The following SLC1A2 variants were observed in gnomAD, a reference collection of about 807,000 sequenced individuals.
SLC1A2 encodes the protein solute carrier family 1 member 2, also known as excitatory amino acid transporter 2.
Under a neutral mutation model 48.8 loss-of-function variants are expected in SLC1A2, and 15 were observed. The ratio of observed to expected loss-of-function variants is 0.31; its 90% CI spans 0.21 to 0.47. SLC1A2 has a LOEUF of 0.47. Among genes scored for constraint, SLC1A2 ranks in the 20% least tolerant of loss-of-function variants. SLC1A2 has a pLI of 0.99. For synonymous variants in SLC1A2, 279 were observed against 272.6 expected (o/e 1.02, Z -0.23); for missense variants, 502 against 730.5 (o/e 0.69, Z 3.61).
chr11:35,281,099 T>G lies in SLC1A2; in HGVS notation c.1287-98A>C, dbSNP rs139727325. 24 of 1,430,966 alleles carry G rather than the reference T, an allele frequency of 1.7e-5. No individual in the cohort carries two copies. The African/African-American group carries it at 2.9e-4, about 17-fold the overall frequency. The allele number at this position is 1,430,966 out of a possible 1,614,324, so 88.6% of individuals were successfully genotyped here. Reference sequence around the variant, plus strand: ...CTCTAATTTTCCTGCAGCCATAAAATTCATCCCCCAACCCCCACCCCATAC... The same window carrying G: ...CTCTAATTTTCCTGCAGCCATAAAAGTCATCCCCCAACCCCCACCCCATAC... On this transcript the variant is annotated intron_variant, in intron 8 of 10. Coordinates refer to ENST00000278379, the MANE Select transcript of SLC1A2 (RefSeq NM_004171.4).
chr11:35,413,281 A>C (rs950809440), intron 1 of SLC1A2, among the ~76,000 whole-genome samples: 17 of 152,228 alleles, frequency 1.1e-4, no homozygotes, highest in African/African-American at 3.9e-4. Context: ...TAGTAACTAC[A>C]GGCATGGATC....
intron 9 of SLC1A2, among the ~76,000 whole-genome samples, chr11:35,274,583 G>A (rs796204278): frequency 1.3e-5 from 2 of 152,126 alleles, no homozygotes; most frequent in African/African-American, 2.4e-5. Context: ...GTGTGTGCAT[G>A]TGCATGTGTG....
chr11:35,278,212 C>T (rs190468665), intron 9 of SLC1A2, among the ~76,000 whole-genome samples: 195 of 151,280 alleles, frequency 1.3e-3, no homozygotes, highest in African/African-American at 4.4e-3. Context: ...GCCTTCCTTG[C>T]AGCCCTCCCA....
chr11:35,275,991 G>T (rs1400989527), intron 9 of SLC1A2, among the ~76,000 whole-genome samples: 6 of 152,136 alleles, frequency 3.9e-5, no homozygotes, highest in Non-Finnish European at 1.5e-5. Flanking sequence ...AAGCAGATCT[G>T]ACCTAGCTAC....
rs1950240890 is a variant in SLC1A2 at position 35,251,697 on chromosome 11, G to A, written c.*9197C>T. ...GGAGTTGAAGAAGCCACATTTTCAA[G>A]GAAAAATTAGCCTGTCCACCATATC... On this transcript the variant is annotated 3_prime_UTR_variant, in exon 11 of 11. Coordinates refer to ENST00000278379, the MANE Select transcript of SLC1A2 (RefSeq NM_004171.4). 6.6e-6 allele frequency: 1 copy of A among 152,578 alleles called. No individual in the cohort carries two copies. Among genetic ancestry groups the A allele is most frequent in the Non-Finnish European group, 1.5e-5 (1 of 68,006 alleles). The allele number at this position is 152,578 out of a possible 1,614,324, so 9.5% of individuals were successfully genotyped here.
chr11:35,346,194 C>T (rs377313778), intron 1 of SLC1A2, among the ~76,000 whole-genome samples: 75 of 152,270 alleles, frequency 4.9e-4, no homozygotes, highest in African/African-American at 1.5e-3. Flanking sequence ...TCTCCTAATG[C>T]TATCCCTCCC....
chr11:35,286,851 T>C lies in SLC1A2; in HGVS notation c.1192A>G (p.Met398Val). 2 of 1,614,010 alleles carry C rather than the reference T, an allele frequency of 1.2e-6. No homozygotes were observed. The highest frequency in any genetic ancestry group is 1.7e-6 in the Non-Finnish European group (2 of 1,179,888). The part of the protein sequence containing the change: ...FVLPVGATIN[M>V]DGTALYEAVA... ...GCTTCATAAAGGGCTGTACCATCCA[T>C]GTTAATGGTTGCTCCAACAGGAAGG... The change falls in exon 8 of 11, where the codon ATG (methionine) becomes GTG (valine). Residue 398 changes from methionine (M) to valine (V), a missense_variant. Around this residue, in one of 4 missense-constraint regions of SLC1A2, gnomAD observed 309 missense variants for 480.3 expected, o/e 0.64. Coordinates refer to ENST00000278379, the MANE Select transcript of SLC1A2 (RefSeq NM_004171.4).
In SLC1A2 at chr11:35,256,049, T is replaced by TA. The variant is rs1950311139; in HGVS notation, c.*4844dup. On this transcript the variant is annotated 3_prime_UTR_variant, in exon 11 of 11. Coordinates refer to ENST00000278379, the MANE Select transcript of SLC1A2 (RefSeq NM_004171.4). ...CAGAGATCATAATACATTGGGCTCA[T>TA]AGGGCTGGAAGGGGATTTTAGTCAT... is the stretch of plus-strand genomic sequence containing the variant. 6.6e-6 allele frequency: 1 copy of TA among 152,192 alleles called. No individual in the cohort carries two copies. Among genetic ancestry groups the TA allele is most frequent in the African/African-American group, 2.4e-5 (1 of 41,458 alleles). The allele number at this position is 152,192 out of a possible 1,614,324, so 9.4% of individuals were successfully genotyped here. A position where few individuals can be genotyped will look rare whatever the true frequency, so the allele number is the denominator to read the frequency against.
At chr11:35,342,308 A>G (rs1318799499) in intron 1 of SLC1A2, among the ~76,000 whole-genome samples, 3 of 152,206 alleles carry the variant, frequency 2.0e-5, no homozygotes, top group African/African-American at 7.2e-5. Flanking sequence ...AGATGAGTCT[A>G]AGAAGCTGTC....
intron 5 of SLC1A2, among the ~76,000 whole-genome samples, chr11:35,304,647 A>G (rs1333247410): frequency 1.3e-5 from 2 of 152,054 alleles, no homozygotes; most frequent in Non-Finnish European, 2.9e-5. Flanking sequence ...CAAGCCAAAC[A>G]AAAAAGATCT....
intron 3 of SLC1A2, among the ~76,000 whole-genome samples, chr11:35,314,518 G>C (rs1470789013): frequency 2.6e-5 from 4 of 152,100 alleles, no homozygotes; most frequent in South Asian, 2.1e-4. Context: ...TTCGAGACCA[G>C]CTTGGCCAAT....
At position 35,279,153 on chromosome 11, in the gene SLC1A2, T is replaced by C. The variant is rs185488151; in HGVS notation, c.1421+1714A>G. Among the ~76,000 whole-genome samples, 3 of 152,364 alleles carry C rather than the reference T, an allele frequency of 2.0e-5. No individual in the cohort carries two copies. The East Asian group carries it at 5.8e-4, about 29-fold the overall frequency. On this transcript the variant is annotated intron_variant, in intron 9 of 10. Coordinates refer to ENST00000278379, the MANE Select transcript of SLC1A2 (RefSeq NM_004171.4). The stretch of plus-strand genomic sequence containing the variant: ...CCTTGGGACTCTGGGCCAGCACTTG[T>C]CACTCTGTGCCTCTGACATTGAAGA...
chr11:35,336,954 C>T (rs1852656975), intron 1 of SLC1A2, among the ~76,000 whole-genome samples: 1 of 152,106 alleles, frequency 6.6e-6, no homozygotes, highest in African/African-American at 2.4e-5. Flanking sequence ...TACTTGGGAC[C>T]AGCAGATTCC....
intron 1 of SLC1A2, among the ~76,000 whole-genome samples, chr11:35,405,677 C>A (rs1431911384): frequency 6.6e-6 from 1 of 152,172 alleles, no homozygotes; most frequent in Non-Finnish European, 1.5e-5. Flanking sequence ...GTAATTTTCC[C>A]AGACAGCTGC....
chr11:35,354,933 A>G (rs986058700), intron 1 of SLC1A2, among the ~76,000 whole-genome samples: 1 of 152,006 alleles, frequency 6.6e-6, no homozygotes, highest in Non-Finnish European at 1.5e-5. Context: ...CTAATTATAC[A>G]TTTTCCCATA....
intron 8 of SLC1A2, among the ~76,000 whole-genome samples, chr11:35,284,105 AT>A (rs1434769284): frequency 2.8e-5 from 4 of 143,782 alleles, no homozygotes; most frequent in African/African-American, 1.0e-4. Flanking sequence ...ATATATATAT[AT>A]ATATAAATTA....
intron 10 of SLC1A2, among the ~76,000 whole-genome samples, chr11:35,263,603 AG>A (rs1159002258): frequency 1.3e-5 from 2 of 152,220 alleles, no homozygotes; most frequent in African/African-American, 4.8e-5. Context: ...AAATATTAAG[AG>A]GCCTCTTGAG....
chr11:35,407,603 T>C (rs1410775192), intron 1 of SLC1A2, among the ~76,000 whole-genome samples: 1 of 152,220 alleles, frequency 6.6e-6, no homozygotes. Context: ...CACACCAACA[T>C]GGCAACAGCT....
intron 1 of SLC1A2, among the ~76,000 whole-genome samples, chr11:35,407,636 T>C (rs1855339474): frequency 6.6e-6 from 1 of 152,240 alleles, no homozygotes; most frequent in African/African-American, 2.4e-5. Context: ...CTGACCCAGC[T>C]CTGGCAAAGG....
Sources: allele counts gnomAD v4.1 joint callset (sites outside exome capture counted in the v4.1 genomes callset), GRCh38; gene constraint gnomAD v4.1.1; regional missense constraint gnomAD v4.1.1; transcripts MANE v1.5; gene names NCBI Gene and HGNC (gene_info 2026-07-23, HGNC 2026-07-21).